CFAP20DC: variants seen among roughly 807,000 people sequenced by gnomAD.
The protein encoded by CFAP20DC is CFAP20 domain containing.
A neutral mutation model predicts 101.7 loss-of-function variants in CFAP20DC; 84 were observed. The ratio of observed to expected loss-of-function variants is 0.83; its 90% CI spans 0.69 to 0.99. CFAP20DC has a LOEUF of 0.99. Ranked by LOEUF, CFAP20DC falls within the 50% of genes least tolerant of loss-of-function variation. The pLI, the probability that CFAP20DC is intolerant of heterozygous loss-of-function variation, is 0.00. For missense variants in CFAP20DC, 1,007 were observed against 970.3 expected (o/e 1.04, Z -0.50); for synonymous variants, 359 against 351.2 (o/e 1.02, Z -0.25).
intron 4 of CFAP20DC, among the ~76,000 whole-genome samples, chr3:58,942,264 A>G (rs2088711844): frequency 6.6e-6 from 1 of 152,236 alleles, no homozygotes; most frequent in Non-Finnish European, 1.5e-5. Context: ...AAAAGAAAAA[A>G]TAAAATGATA....
At chr3:58,927,049 G>A (rs1259501928) in intron 5 of CFAP20DC, among the ~76,000 whole-genome samples, 1 of 152,078 alleles carries the variant, frequency 6.6e-6, no homozygotes, top group African/African-American at 2.4e-5. Flanking sequence ...AACTAAGTGG[G>A]TACTTCTATT....
chr3:58,824,915 C>G lies in CFAP20DC; in HGVS notation c.2175+6771G>C, dbSNP rs150598548. Among the ~76,000 whole-genome samples the G allele has an allele frequency of 2.0e-3, 306 of 151,996 alleles. 3 individuals carry two copies. The highest frequency in any genetic ancestry group is 7.2e-3 in the African/African-American group (298 of 41,430). Reference sequence around the variant, plus strand: ...CTGGGCTAAAATCCTCCTGCCTTAGCCTCCCAATTAGCTGGGAATACAGAC... The same window carrying G: ...CTGGGCTAAAATCCTCCTGCCTTAGGCTCCCAATTAGCTGGGAATACAGAC... On this transcript the variant is annotated intron_variant, in intron 14 of 16. Coordinates refer to ENST00000482387, the MANE Select transcript of CFAP20DC (RefSeq NM_001394063.1).
At chr3:58,884,105 T>C (rs2081420608) in intron 7 of CFAP20DC, among the ~76,000 whole-genome samples, 1 of 152,148 alleles carries the variant, frequency 6.6e-6, no homozygotes, top group South Asian at 2.1e-4. Flanking sequence ...GCCTGCCTTT[T>C]TGAAAGGCAA....
chr3:58,731,247 C>T (rs1382084792), intron 3 of CFAP20DC, among the ~76,000 whole-genome samples: 1 of 152,156 alleles, frequency 6.6e-6, no homozygotes, highest in Non-Finnish European at 1.5e-5. Flanking sequence ...CCCAAGATTC[C>T]AGAAAACAGT....
At chr3:58,870,422 C>A in intron 7 of CFAP20DC, 113 bp from the exon 8 acceptor site, 2 of 980,094 alleles carry the variant, frequency 2.0e-6, no homozygotes, top group Admixed American at 3.8e-5. Context: ...AATCCCCCCT[C>A]CCCCCTCAGC....
rs1253534465 is a variant in CFAP20DC, at chr3:58,798,805, A to G, written c.2237+7590T>C. Among the ~76,000 whole-genome samples the G allele has an allele frequency of 2.0e-5, 3 of 152,362 alleles. No individual in the cohort carries two copies. The East Asian group carries it at 5.8e-4, about 29-fold the overall frequency. On this transcript the variant is annotated intron_variant, in intron 15 of 16. Transcript: ENST00000482387. ...TCATTCAGCAGCCATCAACATCCAG[A>G]CAAGACCCTCCACCAGCAAAAAGAT...
At chr3:58,941,545 T>G (rs993723440) in intron 4 of CFAP20DC, among the ~76,000 whole-genome samples, 3 of 151,888 alleles carry the variant, frequency 2.0e-5, no homozygotes, top group Non-Finnish European at 4.4e-5. Flanking sequence ...TTACTTCTGC[T>G]TTTTCAACTT....
chr3:58,787,200 A>T (rs1676232500), intron 15 of CFAP20DC, among the ~76,000 whole-genome samples: 1 of 151,982 alleles, frequency 6.6e-6, no homozygotes, highest in African/African-American at 2.4e-5. Flanking sequence ...AGATTTCATA[A>T]AAACTCCAAT....
chr3:58,786,123 T>G (rs2072312469), intron 15 of CFAP20DC, among the ~76,000 whole-genome samples: 1 of 152,188 alleles, frequency 6.6e-6, no homozygotes, highest in South Asian at 2.1e-4. Context: ...CTGCAAATGT[T>G]AATAAACTCG....
chr3:58,921,343 CTT>C (rs1196600876), intron 5 of CFAP20DC, among the ~76,000 whole-genome samples: 1 of 151,880 alleles, frequency 6.6e-6, no homozygotes, highest in Non-Finnish European at 1.5e-5. Context: ...AATTTTAAGA[CTT>C]TTTTCTTTTT....
intron 3 of CFAP20DC, among the ~76,000 whole-genome samples, chr3:58,731,467 C>CA (rs1192341602): frequency 6.6e-6 from 1 of 152,024 alleles, no homozygotes; most frequent in Non-Finnish European, 1.5e-5. Flanking sequence ...TTGGTGCCAG[C>CA]AAAAAAGGTG....
intron 15 of CFAP20DC, chr3:58,794,229 T>C (rs190914167): frequency 2.6e-6 from 1 of 382,076 alleles, no homozygotes; most frequent in East Asian, 7.6e-5. Context: ...CAGAATATAG[T>C]TTTTTTTTCC....
chr3:59,049,553 G>T, intron 1 of CFAP20DC, 58 bp downstream of exon 1: 1 of 1,468,552 alleles, frequency 6.8e-7, no homozygotes, highest in Non-Finnish European at 9.2e-7. Flanking sequence ...CCCGATCACG[G>T]ACTACCTCAC....
intron 4 of CFAP20DC, among the ~76,000 whole-genome samples, chr3:59,033,168 A>G (rs2094029487): frequency 6.6e-6 from 1 of 152,200 alleles, no homozygotes; most frequent in Non-Finnish European, 1.5e-5. Context: ...AACAAAAAGG[A>G]TGTCCACACA....
intron 3 of CFAP20DC, among the ~76,000 whole-genome samples, chr3:59,042,485 G>T (rs1699485236): frequency 6.6e-6 from 1 of 151,922 alleles, no homozygotes; most frequent in Admixed American, 6.6e-5. Context: ...TGGGTGCCAA[G>T]GTGATAGTGC....
At chr3:58,871,045 GAGGCCGTC>G in intron 7 of CFAP20DC, among the ~76,000 whole-genome samples, 1 of 151,324 alleles carries the variant, frequency 6.6e-6, no homozygotes, top group South Asian at 2.1e-4. Context: ...GCATTTCCTA[GAGGCCGTC>G]AGTGACACAA....
rs2076746308 is a variant in CFAP20DC at position 58,836,507 on chromosome 3, G to A, written c.1972-4618C>T. On this transcript the variant is annotated intron_variant, in intron 13 of 16. Transcript: ENST00000482387. ...ACACAAGGCTAAATCTACAGTGGAG[G>A]TGTGGAGAAAAATGAGACATGGCCA... Among the ~76,000 whole-genome samples the A allele has an allele frequency of 2.0e-5, 3 of 152,092 alleles. No homozygotes were observed. In the South Asian group the frequency reaches 6.2e-4, roughly 32 times the overall value.
rs1243203273 is a variant in CFAP20DC, at chr3:59,015,588, A to C, written c.278+23969T>G. On this transcript the variant is annotated intron_variant, in intron 4 of 16. Transcript: ENST00000482387. This position sits in a 1 kb window ranked among gnomAD's most constrained non-coding sequence, Gnocchi z 5.4. ...AGGGTTGGAGGGTGGAGGAGGAAGAAGGGCTATAGATCCCTAGAAACAGCA... is the reference window on the plus strand; with the variant it reads ...AGGGTTGGAGGGTGGAGGAGGAAGACGGGCTATAGATCCCTAGAAACAGCA... Among the ~76,000 whole-genome samples the C allele has an allele frequency of 6.6e-6, 1 of 151,984 alleles. No individual in the cohort carries two copies.
chr3:58,815,328 C>T (rs1296232988), intron 14 of CFAP20DC, among the ~76,000 whole-genome samples: 1 of 147,778 alleles, frequency 6.8e-6, no homozygotes, highest in Admixed American at 6.7e-5. Context: ...AAACTGGATC[C>T]CTTCCTTACA....
Sources: gnomAD v4.1 joint callset for allele counts (sites outside exome capture counted in the v4.1 genomes callset) on GRCh38, gnomAD v4.1.1 for gene constraint, Gnocchi (gnomAD v3.1) non-coding constraint, MANE v1.5 for transcripts, NCBI Gene and HGNC (gene_info 2026-07-23, HGNC 2026-07-21) for gene names.